Variants in ITPA observed in about 807,000 individuals in gnomAD.
The protein encoded by ITPA is inosine triphosphate pyrophosphatase.
Under a neutral mutation model 29.6 loss-of-function variants are expected in ITPA, and 29 were observed. The observed-to-expected ratio is 0.98, with a 90% CI of 0.73 to 1.34. The LOEUF (loss-of-function observed/expected upper bound fraction) is 1.34, where lower values mean the gene tolerates loss of function less well. Ranked by LOEUF, ITPA falls within the 40% of genes most tolerant of loss-of-function variation. ITPA has a pLI of 0.00. For missense variants in ITPA, 241 were observed against 251.5 expected (o/e 0.96, Z 0.28); for synonymous variants, 103 against 99.3 (o/e 1.04, Z -0.22).
chr20:3,209,685 A>C lies in ITPA; in HGVS notation c.66+68A>C. 1 of 1,322,616 alleles carries C rather than the reference A, an allele frequency of 7.6e-7. No individual in the cohort carries two copies. Among genetic ancestry groups the C allele is most frequent in the East Asian group, 2.3e-5 (1 of 43,348 alleles). 81.9% of individuals were successfully genotyped at this position (1,322,616 alleles called of 1,614,324 possible). A position where few individuals can be genotyped will look rare whatever the true frequency, so the allele number is the denominator to read the frequency against. On this transcript the variant is annotated intron_variant, in intron 1 of 7. Transcript: ENST00000380113. The surrounding 1 kb of genome is among the most constrained non-coding windows in gnomAD (Gnocchi z 4.6). ...ATAGGGCGGAGAAGGGGCTTCCGGG[A>C]GGAGGGAAGCACGTGGGAGGAGGCA...
chr20:3,226,137 A>G (rs943644153), downstream of ITPA, among the ~76,000 whole-genome samples: 4 of 152,202 alleles, frequency 2.6e-5, no homozygotes, highest in Admixed American at 2.6e-4. The surrounding 1 kb of genome is among the most constrained non-coding windows in gnomAD (Gnocchi z 4.4). Context: ...AGTTGAAGAC[A>G]GTGTGTCAAG....
downstream of ITPA, among the ~76,000 whole-genome samples, chr20:3,226,580 G>A (rs983492939): frequency 2.6e-5 from 4 of 152,190 alleles, no homozygotes; most frequent in Non-Finnish European, 4.4e-5. This position sits in a 1 kb window ranked among gnomAD's most constrained non-coding sequence, Gnocchi z 4.4. Context: ...TGTTACGGTT[G>A]GGCCTCCTTC....
upstream of ITPA, among the ~76,000 whole-genome samples, chr20:3,208,378 A>AT (rs953513284): frequency 9.2e-5 from 14 of 151,836 alleles, no homozygotes; most frequent in East Asian, 1.9e-4. Context: ...GTTCCCACAC[A>AT]TTTTTTTTCT....
intron 6 of ITPA, among the ~76,000 whole-genome samples, chr20:3,221,126 A>C (rs1302498120): frequency 2.0e-5 from 3 of 151,754 alleles, no homozygotes; most frequent in South Asian, 2.1e-4. Context: ...TCCTGGGCTC[A>C]AGTGATCTTC....
Position 3,223,651 on chromosome 20 carries a change from G to T in ITPA, c.*189G>T. The T allele has an allele frequency of 1.6e-6, 1 of 625,158 alleles. No individual in the cohort carries two copies. 38.7% of individuals were successfully genotyped at this position (625,158 alleles called of 1,614,324 possible). A position where few individuals can be genotyped will look rare whatever the true frequency, so the allele number is the denominator to read the frequency against. On this transcript the variant is annotated 3_prime_UTR_variant, in exon 8 of 8. Coordinates refer to ENST00000380113, the MANE Select transcript of ITPA (RefSeq NM_033453.4). ...CTCTGAGAAACTCTGGCAAGTGGAC[G>T]CCATTCTCTTGCCCTTAGGATTCAC...
Position 3,214,923 on chromosome 20 carries a change from C to T in ITPA, c.264-358C>T, listed in dbSNP as rs1487037022. On this transcript the variant is annotated intron_variant, in intron 4 of 7. Transcript: ENST00000380113. ...TGTGTGAGACAGGGTCTCAGTCTGT[C>T]GCTGAGGTAGGAGTGCAGTGGTGTG... 3.3e-5 allele frequency among the ~76,000 whole-genome samples: 5 copies of T among 151,922 alleles called. No homozygotes were observed. The East Asian group carries it at 7.8e-4, about 24-fold the overall frequency.
intron 6 of ITPA, among the ~76,000 whole-genome samples, chr20:3,221,456 C>T (rs1017575040): frequency 1.3e-5 from 2 of 152,206 alleles, no homozygotes; most frequent in Non-Finnish European, 1.5e-5. Flanking sequence ...GGCTTGTCCA[C>T]GGAGTTCAGG....
intron 6 of ITPA, among the ~76,000 whole-genome samples, chr20:3,219,461 G>A (rs1435843676): frequency 6.6e-6 from 1 of 151,946 alleles, no homozygotes; most frequent in African/African-American, 2.4e-5. Flanking sequence ...ATTTTAAAAT[G>A]AGGCCGGGCG....
chr20:3,227,441 A>G, downstream of ITPA: 1 of 330,502 alleles, frequency 3.0e-6, no homozygotes, highest in Non-Finnish European at 5.9e-6. Flanking sequence ...CAGGAGCTTT[A>G]TTCTCTAATG....
At chr20:3,219,103 C>G (rs1369984428) in intron 6 of ITPA, 1 of 164,474 alleles carries the variant, frequency 6.1e-6, no homozygotes, top group Non-Finnish European at 1.3e-5. Context: ...CCAGACTTCT[C>G]TAACCTCAGA....
At chr20:3,226,957 C>T (rs1028198243), downstream of ITPA, among the ~76,000 whole-genome samples, 1 of 152,234 alleles carries the variant, frequency 6.6e-6, no homozygotes, top group African/African-American at 2.4e-5. The surrounding 1 kb of genome is among the most constrained non-coding windows in gnomAD (Gnocchi z 4.4). Context: ...CTCCCACCTC[C>T]CTCCATCGCC....
intron 1 of ITPA, among the ~76,000 whole-genome samples, chr20:3,210,788 C>T (rs981205575): frequency 1.3e-5 from 2 of 152,074 alleles, no homozygotes; most frequent in Admixed American, 6.6e-5. Context: ...CAGTGCCTCA[C>T]GCCTGTAATC....
At position 3,213,462 on chromosome 20, in the gene ITPA, G is replaced by A. The variant is rs549041787; in HGVS notation, c.189+79G>A. On this transcript the variant is annotated intron_variant, in intron 3 of 7. Coordinates refer to ENST00000380113, the MANE Select transcript of ITPA (RefSeq NM_033453.4). ...GGGCCTGCGCCTGCTAGAAACAATA[G>A]AGTAGACACAGTTTGTTGAGCTTTC... The A allele has an allele frequency of 1.1e-4, 172 of 1,547,592 alleles. 1 individual carries two copies. The highest frequency in any genetic ancestry group is 1.4e-4 in the Non-Finnish European group (161 of 1,124,684).
At chr20:3,209,090 A>G (rs2067112443), upstream of ITPA, 1 of 257,264 alleles carries the variant, frequency 3.9e-6, no homozygotes, top group African/African-American at 2.3e-5. This position sits in a 1 kb window ranked among gnomAD's most constrained non-coding sequence, Gnocchi z 4.6. Context: ...AGTCGAGTGG[A>G]TCATAGCTGG....
chr20:3,222,039 G>A, intron 7 of ITPA, 122 bp downstream of exon 7: 1 of 946,130 alleles, frequency 1.1e-6, no homozygotes, highest in Non-Finnish European at 1.7e-6. Flanking sequence ...CCAGGGTGCT[G>A]TTCCAGCCAC....
At chr20:3,213,951 A>T (rs1229627901) in intron 3 of ITPA, 34 bp from the exon 4 acceptor site, 4 of 1,611,608 alleles carry the variant, frequency 2.5e-6, no homozygotes, top group Non-Finnish European at 2.5e-6. Context: ...GATGGTGATC[A>T]TGGGTCTCAG....
At chr20:3,209,441 C>T (rs1385412393), upstream of ITPA, 6 of 1,058,554 alleles carry the variant, frequency 5.7e-6, no homozygotes, top group African/African-American at 3.1e-5. This position sits in a 1 kb window ranked among gnomAD's most constrained non-coding sequence, Gnocchi z 4.6. Flanking sequence ...CGGCTTTCCC[C>T]GGGACCCCTG....
Position 3,213,353 on chromosome 20 carries a change from C to T in ITPA, c.159C>T (p.Ser53=), listed in dbSNP as rs939381685. The T allele has an allele frequency of 3.7e-6, 6 of 1,614,130 alleles. No individual in the cohort carries two copies. Among genetic ancestry groups the T allele is most frequent in the South Asian group, 2.2e-5 (2 of 91,082 alleles). Residue 53 remains serine, a synonymous_variant, in exon 3 of 8, where the codon TCC becomes TCT. Transcript: ENST00000380113. ...PEYQGEPDEI[S]IQKCQEAVRQ... Reference sequence around the variant, plus strand: ...ACCAGGGGGAGCCGGATGAGATTTCCATACAGAAATGTCAGGAGGCAGTTC... The same window carrying T: ...ACCAGGGGGAGCCGGATGAGATTTCTATACAGAAATGTCAGGAGGCAGTTC...
chr20:3,215,789 G>A (rs1018098620), intron 5 of ITPA, among the ~76,000 whole-genome samples: 3 of 152,112 alleles, frequency 2.0e-5, no homozygotes, highest in Non-Finnish European at 2.9e-5. Context: ...GGGTTCAAGC[G>A]ATTCTCCTGC....
Sources: gnomAD v4.1 joint callset for allele counts (sites outside exome capture counted in the v4.1 genomes callset) on GRCh38, gnomAD v4.1.1 for gene constraint, Gnocchi (gnomAD v3.1) non-coding constraint, MANE v1.5 for transcripts, NCBI Gene and HGNC (gene_info 2026-07-23, HGNC 2026-07-21) for gene names.